WNT2B: variants seen among roughly 807,000 people sequenced by gnomAD.
The protein encoded by WNT2B is Wnt family member 2B.
Under a neutral mutation model 40.5 loss-of-function variants are expected in WNT2B, and 19 were observed. That is an observed-to-expected ratio of 0.47 (90% CI 0.33 to 0.69). The LOEUF (loss-of-function observed/expected upper bound fraction) is 0.69, where lower values mean the gene tolerates loss of function less well. Ranked by LOEUF, WNT2B falls within the 30% of genes least tolerant of loss-of-function variation. WNT2B has a pLI of 0.02. For synonymous variants in WNT2B, 220 were observed against 211.9 expected, an observed-to-expected ratio of 1.04 and a Z score of -0.33; for missense variants, 467 against 556.4, an observed-to-expected ratio of 0.84 and a Z score of 1.62.
chr1:112,516,069 T>C (rs1236648400), intron 2 of WNT2B, 71 bp from the exon 3 acceptor site: 4 of 1,535,022 alleles, frequency 2.6e-6, no homozygotes, highest in East Asian at 2.3e-5. Flanking sequence ...GAGTCAGAGG[T>C]TGTATGGGCT....
intron 1 of WNT2B, among the ~76,000 whole-genome samples, chr1:112,494,025 A>G (rs1235335477): frequency 6.6e-6 from 1 of 152,036 alleles, no homozygotes; most frequent in Non-Finnish European, 1.5e-5. Flanking sequence ...AAGTACATCT[A>G]CCGGCCAGGC....
intron 1 of WNT2B, among the ~76,000 whole-genome samples, chr1:112,510,601 G>A (rs1432964791): frequency 3.3e-5 from 5 of 152,022 alleles, no homozygotes; most frequent in East Asian, 1.9e-4. Flanking sequence ...CGAGGGGCCC[G>A]CCAGCTTGGG....
chr1:112,517,321 C>T lies in WNT2B; in HGVS notation c.882C>T (p.Ala294=). ...CAGCCCGCCAAGGCTATCGCCGTGC[C>T]ACCCGGACTGATCTTGTCTACTTTG... The part of the protein sequence containing the change: ...FTAARQGYRR[A]TRTDLVYFDN... The change falls in exon 4 of 5, where the codon GCC becomes GCT. Residue 294 remains alanine, a synonymous_variant. Transcript: ENST00000369684. The T allele has an allele frequency of 6.2e-7, 1 of 1,613,936 alleles. No homozygotes were observed. The highest frequency in any genetic ancestry group is 8.5e-7 in the Non-Finnish European group (1 of 1,179,806).
At chr1:112,476,113 A>G (rs1171100624) in intron 1 of WNT2B, among the ~76,000 whole-genome samples, 2 of 152,238 alleles carry the variant, frequency 1.3e-5, no homozygotes, top group East Asian at 3.8e-4. Flanking sequence ...TCTGGCCACA[A>G]TGGAATTCAA....
Position 112,484,306 on chromosome 1 carries a change from TAG to T in WNT2B, c.-95+16731_-95+16732del, listed in dbSNP as rs1231648095. Among the ~76,000 whole-genome samples the T allele has an allele frequency of 2.4e-3, 338 of 142,562 alleles. 2 individuals are homozygous for T. The highest frequency in any genetic ancestry group is 7.9e-3 in the African/African-American group (297 of 37,688). 93.5% of individuals were successfully genotyped at this position (142,562 alleles called of 152,430 possible). ...ATATATATATACACACACATATATA[TAG>T]AGAGAGAGAGAGAGAAGAGGGTCTC... On this transcript the variant is annotated intron_variant, in intron 1 of 4. Transcript: ENST00000256640.
intron 1 of WNT2B, among the ~76,000 whole-genome samples, chr1:112,473,727 A>G (rs562338610): frequency 1.1e-4 from 16 of 152,194 alleles, no homozygotes; most frequent in South Asian, 8.3e-4. Flanking sequence ...GCCAATAAAT[A>G]TAAGCATAAG....
At chr1:112,486,443 A>AAAAAC (rs1312783971) in intron 1 of WNT2B, among the ~76,000 whole-genome samples, 2 of 152,166 alleles carry the variant, frequency 1.3e-5, no homozygotes, top group Non-Finnish European at 2.9e-5. Flanking sequence ...ACCCTGTCTC[A>AAAAAC]AAAACAAAAC....
chr1:112,502,190 C>T (rs1651979912), intron 1 of WNT2B, among the ~76,000 whole-genome samples: 1 of 152,202 alleles, frequency 6.6e-6, no homozygotes, highest in Non-Finnish European at 1.5e-5. Flanking sequence ...AGCGATCCTG[C>T]GGCCGTGGCG....
chr1:112,516,297 C>T lies in WNT2B; in HGVS notation c.561C>T (p.Gly187=), dbSNP rs1176973918. ...HDQRGDFDWG[G]CSDNIHYGVR... is the part of the protein sequence containing the mutation. ...AGCGTGGGGACTTTGACTGGGGTGG[C>T]TGCAGTGACAACATCCACTACGGTG... Residue 187 remains glycine, a synonymous_variant, in exon 3 of 5, where the codon GGC becomes GGT. Transcript: ENST00000369684. 2 of 1,614,126 alleles carry T rather than the reference C, an allele frequency of 1.2e-6. No homozygotes were observed.
intron 1 of WNT2B, among the ~76,000 whole-genome samples, chr1:112,500,287 C>T (rs1372328896): frequency 6.6e-6 from 1 of 151,994 alleles, no homozygotes; most frequent in Non-Finnish European, 1.5e-5. Context: ...GCTATTAAGC[C>T]GGACATTAAA....
intron 1 of WNT2B, among the ~76,000 whole-genome samples, chr1:112,495,873 G>C (rs1432024702): frequency 2.6e-5 from 4 of 152,152 alleles, no homozygotes; most frequent in Admixed American, 2.0e-4. Context: ...TCCTTGTCTG[G>C]TGAGGGCCAG....
chr1:112,509,877 C>T lies in WNT2B; in HGVS notation c.182+433C>T, dbSNP rs1170251517. ...GAAAGGGGCAGCTCGCTAGTCTAGC[C>T]CACCCATACCACAGGAAGGCTTTGG... On this transcript the variant is annotated intron_variant, in intron 1 of 4. Coordinates refer to ENST00000369684, the MANE Select transcript of WNT2B (RefSeq NM_024494.3). This position sits in a 1 kb window ranked among gnomAD's most constrained non-coding sequence, Gnocchi z 4.2. Among the ~76,000 whole-genome samples, 1 of 152,174 alleles carries T rather than the reference C, an allele frequency of 6.6e-6. No homozygotes were observed. The highest frequency in any genetic ancestry group is 1.5e-5 in the Non-Finnish European group (1 of 68,024).
chr1:112,525,847 T>C lies in WNT2B; in HGVS notation c.*5338T>C. On this transcript the variant is annotated 3_prime_UTR_variant, in exon 5 of 5. Transcript: ENST00000369684. Reference sequence around the variant, plus strand: ...CTTTTTGACAGCTTCCAAGGGGGGTTTGCCTAGGAATAACAATATTCATAA... The same window carrying C: ...CTTTTTGACAGCTTCCAAGGGGGGTCTGCCTAGGAATAACAATATTCATAA... 2 of 882,384 alleles carry C rather than the reference T, an allele frequency of 2.3e-6. No homozygotes were observed. The highest frequency in any genetic ancestry group is 3.2e-6 in the Non-Finnish European group (2 of 620,170). 54.7% of individuals were successfully genotyped at this position (882,384 alleles called of 1,614,324 possible).
Position 112,526,188 on chromosome 1 carries a change from C to G in WNT2B, c.*5679C>G, listed in dbSNP as rs1653348456. The G allele has an allele frequency of 1.9e-6, 3 of 1,594,826 alleles. No homozygotes were observed. In the Admixed American group the frequency reaches 5.1e-5, roughly 27 times the overall value. ...ACAGCCAAGAGAGTATATCTGAGCA[C>G]AGTTTACAAAGGAACAGCCTAGGCC... On this transcript the variant is annotated 3_prime_UTR_variant, in exon 5 of 5. Transcript: ENST00000369684.
At chr1:112,501,403 C>T (rs1253154091) in intron 1 of WNT2B, among the ~76,000 whole-genome samples, 1 of 152,170 alleles carries the variant, frequency 6.6e-6, no homozygotes, top group East Asian at 1.9e-4. Context: ...GCATAGCCCA[C>T]ACTTAAGTAG....
intron 1 of WNT2B, among the ~76,000 whole-genome samples, chr1:112,488,727 T>C (rs1651500991): frequency 6.6e-6 from 1 of 152,076 alleles, no homozygotes; most frequent in African/African-American, 2.4e-5. Context: ...AATTTTTTTT[T>C]GTATTTTTAA....
Position 112,516,390 on chromosome 1 carries a change from C to T in WNT2B, c.654C>T (p.Asn218=). The part of the protein sequence containing the change: ...KRLKDARALM[N]LHNNRCGRTA... ...TTAAGGATGCCCGGGCCCTCATGAA[C>T]TTACATAATAACCGCTGTGGTCGCA... The change falls in exon 3 of 5, where the codon AAC becomes AAT. Residue 218 remains asparagine (N), a synonymous_variant. Coordinates refer to ENST00000369684, the MANE Select transcript of WNT2B (RefSeq NM_024494.3). 6.2e-7 allele frequency: 1 copy of T among 1,613,688 alleles called. No individual in the cohort carries two copies. Among genetic ancestry groups the T allele is most frequent in the Non-Finnish European group, 8.5e-7 (1 of 1,179,924 alleles).
At chr1:112,481,124 G>A (rs900035316) in intron 1 of WNT2B, among the ~76,000 whole-genome samples, 8 of 151,236 alleles carry the variant, frequency 5.3e-5, no homozygotes, top group Non-Finnish European at 1.2e-4. Context: ...AGCCGAGATC[G>A]CGCCACTGCA....
At chr1:112,505,236 T>C (rs183114813), upstream of WNT2B, among the ~76,000 whole-genome samples, 1,344 of 152,346 alleles carry the variant, frequency 8.8e-3, 7 homozygotes, top group Non-Finnish European at 0.011. Flanking sequence ...GACCTGGGAT[T>C]CTTCCTCAGG....
Sources: allele counts gnomAD v4.1 joint callset (sites outside exome capture counted in the v4.1 genomes callset), GRCh38; gene constraint gnomAD v4.1.1; non-coding constraint Gnocchi (gnomAD v3.1); transcripts MANE v1.5; gene names NCBI Gene and HGNC (gene_info 2026-07-23, HGNC 2026-07-21).